Variants in GRIP1 observed in about 807,000 individuals in gnomAD.
The protein encoded by GRIP1 is glutamate receptor interacting protein 1.
GRIP1 carries 45 observed loss-of-function variants against 129.9 expected under a neutral mutation model. That is an observed-to-expected ratio of 0.35 (90% CI 0.27 to 0.44). The LOEUF is 0.44. Ranked by LOEUF, GRIP1 falls within the 20% of genes least tolerant of loss-of-function variation. The pLI is 1.00. For synonymous variants in GRIP1, 530 were observed against 520.8 expected, an observed-to-expected ratio of 1.02 and a Z score of -0.24; for missense variants, 1,196 against 1,396.8, an observed-to-expected ratio of 0.86 and a Z score of 2.29.
chr12:66,752,571 T>C (rs185974277), intron 1 of GRIP1, among the ~76,000 whole-genome samples: 17 of 152,282 alleles, frequency 1.1e-4, no homozygotes, highest in Non-Finnish European at 2.2e-4. Flanking sequence ...ATATAGGCAA[T>C]TGATATATGT....
intron 7 of GRIP1, among the ~76,000 whole-genome samples, chr12:66,482,096 A>G (rs1328058827): frequency 6.6e-6 from 1 of 152,166 alleles, no homozygotes; most frequent in Non-Finnish European, 1.5e-5. Flanking sequence ...TTAAAGTATA[A>G]TAAGAATAAT....
At chr12:66,914,738 C>T (rs189637432) in intron 1 of GRIP1, among the ~76,000 whole-genome samples, 13 of 152,154 alleles carry the variant, frequency 8.5e-5, no homozygotes, top group East Asian at 1.9e-4. Flanking sequence ...ATCAAGAATC[C>T]GAAACCTGAA....
intron 1 of GRIP1, among the ~76,000 whole-genome samples, chr12:66,882,298 G>A (rs2040493267): frequency 6.6e-6 from 1 of 151,974 alleles, no homozygotes; most frequent in Non-Finnish European, 1.5e-5. Context: ...ATTTTAAAAG[G>A]GGACTTTGCC....
At chr12:66,772,475 T>C (rs1205528053) in intron 1 of GRIP1, among the ~76,000 whole-genome samples, 1 of 152,166 alleles carries the variant, frequency 6.6e-6, no homozygotes, top group African/African-American at 2.4e-5. Context: ...AGAACATCAA[T>C]CCTGTTGGTG....
At position 66,348,773 on chromosome 12, in the gene GRIP1, A is replaced by G. The variant is rs1208826227; in HGVS notation, c.*246T>C. 9.5e-6 allele frequency: 5 copies of G among 524,948 alleles called. No individual in the cohort carries two copies. The highest frequency in any genetic ancestry group is 1.4e-5 in the Non-Finnish European group (4 of 293,228). 32.5% of individuals were successfully genotyped at this position (524,948 alleles called of 1,614,324 possible). On this transcript the variant is annotated 3_prime_UTR_variant, in exon 25 of 25. Coordinates refer to ENST00000359742, the MANE Select transcript of GRIP1 (RefSeq NM_001366722.1). ...ATTGTAGAGTTGTGGGGGACGGCCT[A>G]TTTTTCTCTACCGTTGGGACTGGCA...
intron 1 of GRIP1, among the ~76,000 whole-genome samples, chr12:66,767,669 A>T (rs1291108546): frequency 6.6e-6 from 1 of 152,312 alleles, no homozygotes; most frequent in East Asian, 1.9e-4. Context: ...AACTGCAACC[A>T]ACATGAGAGA....
chr12:66,707,556 A>G (rs1008370866), intron 1 of GRIP1, among the ~76,000 whole-genome samples: 1 of 149,146 alleles, frequency 6.7e-6, no homozygotes, highest in Non-Finnish European at 1.5e-5. Context: ...TGGGCTATTT[A>G]GAGACGCTTA....
intron 2 of GRIP1, among the ~76,000 whole-genome samples, chr12:66,576,505 G>A (rs1400721268): frequency 6.6e-6 from 1 of 152,184 alleles, no homozygotes; most frequent in African/African-American, 2.4e-5. Context: ...TGACTCACTC[G>A]AGAGCTGTGT....
intron 1 of GRIP1, among the ~76,000 whole-genome samples, chr12:66,923,429 C>T (rs2041245734): frequency 6.6e-6 from 1 of 152,228 alleles, no homozygotes. Context: ...AGAGCATCAA[C>T]TGATTCCTTG....
At chr12:66,378,105 TAAA>T (rs1053630076) in intron 20 of GRIP1, among the ~76,000 whole-genome samples, 1 of 141,776 alleles carries the variant, frequency 7.1e-6, no homozygotes, top group African/African-American at 2.6e-5. Flanking sequence ...AGGTATCTTT[TAAA>T]AAAAAAAAAA....
chr12:67,052,573 T>C (rs998351235), intron 1 of GRIP1, among the ~76,000 whole-genome samples: 64 of 152,084 alleles, frequency 4.2e-4, no homozygotes, highest in African/African-American at 1.5e-3. Context: ...TCCTGGCTAA[T>C]ACAGTGAAAC....
intron 1 of GRIP1, among the ~76,000 whole-genome samples, chr12:66,771,184 A>C (rs1295902013): frequency 6.6e-6 from 1 of 152,088 alleles, no homozygotes; most frequent in Non-Finnish European, 1.5e-5. Context: ...TCAGAATCAG[A>C]CTCACACTCA....
intron 1 of GRIP1, among the ~76,000 whole-genome samples, chr12:66,967,546 CA>C (rs1392573736): frequency 6.6e-6 from 1 of 151,982 alleles, no homozygotes; most frequent in Admixed American, 6.6e-5. Flanking sequence ...TTATTTTATT[CA>C]AAAAATTTTT....
Position 66,723,301 on chromosome 12 carries a change from TTTC to T in GRIP1, c.-420+80749_-420+80751del, listed in dbSNP as rs1168929018. On this transcript the variant is annotated intron_variant, in intron 1 of 4. Transcript: ENST00000538373. ...CTTCCTTCCTTTCTTTCTTTCTTTC[TTTC>T]TTTTTTTTTTTTTTTTTTTTTTTTT... Among the ~76,000 whole-genome samples, 61 of 42,330 alleles carry T rather than the reference TTTC, an allele frequency of 1.4e-3. 4 individuals carry two copies. The East Asian group carries it at 0.018, about 12-fold the overall frequency. 27.8% of individuals were successfully genotyped at this position (42,330 alleles called of 152,430 possible). A position where few individuals can be genotyped will look rare whatever the true frequency, so the allele number is the denominator to read the frequency against.
intron 1 of GRIP1, among the ~76,000 whole-genome samples, chr12:66,869,468 C>T (rs529813295): frequency 2.0e-5 from 3 of 152,058 alleles, no homozygotes; most frequent in Non-Finnish European, 4.4e-5. Flanking sequence ...AAGTATAATT[C>T]TTCTAAATGA....
At chr12:66,580,113 A>C (rs2063315221) in intron 2 of GRIP1, among the ~76,000 whole-genome samples, 1 of 148,538 alleles carries the variant, frequency 6.7e-6, no homozygotes, top group Admixed American at 6.8e-5. Context: ...CAACATTCTT[A>C]AAGAAAAGAA....
intron 2 of GRIP1, among the ~76,000 whole-genome samples, chr12:66,548,461 C>A (rs2062016190): frequency 6.6e-6 from 1 of 152,176 alleles, no homozygotes; most frequent in Non-Finnish European, 1.5e-5. Context: ...CATGTACACA[C>A]ATAAATTCAA....
intron 1 of GRIP1, among the ~76,000 whole-genome samples, chr12:66,677,841 C>G (rs543896904): frequency 6.6e-6 from 1 of 152,232 alleles, no homozygotes; most frequent in East Asian, 1.9e-4. Context: ...ATATGTCAAG[C>G]TAAACTGACA....
At chr12:66,424,234 G>C (rs1374161338) in intron 14 of GRIP1, among the ~76,000 whole-genome samples, 1 of 152,106 alleles carries the variant, frequency 6.6e-6, no homozygotes, top group African/African-American at 2.4e-5. Flanking sequence ...GCAATATTAA[G>C]ATTTTTCATG....
Sources: allele counts gnomAD v4.1 joint callset (sites outside exome capture counted in the v4.1 genomes callset), GRCh38; gene constraint gnomAD v4.1.1; transcripts MANE v1.5; gene names NCBI Gene and HGNC (gene_info 2026-07-23, HGNC 2026-07-21).